The following RARB variants were observed in gnomAD, a reference collection of about 807,000 sequenced individuals.
RARB encodes the protein retinoic acid receptor beta.
A neutral mutation model predicts 51.9 loss-of-function variants in RARB; 17 were observed. That is an observed-to-expected ratio of 0.33 (90% CI 0.22 to 0.49). RARB has a LOEUF of 0.49. Among genes scored for constraint, RARB ranks in the 20% least tolerant of loss-of-function variants. RARB has a pLI of 0.99. For synonymous variants in RARB, 215 were observed against 195.4 expected, an observed-to-expected ratio of 1.10 and a Z score of -0.84; for missense variants, 369 against 550.8, an observed-to-expected ratio of 0.67 and a Z score of 3.30.
At chr3:24,955,615 A>T (rs35180270) in intron 2 of RARB, among the ~76,000 whole-genome samples, 23,745 of 152,222 alleles carry the variant, frequency 0.16, 1,922 homozygotes, top group East Asian at 0.18. Flanking sequence ...GAGAAAAGGC[A>T]TATAAAATTT....
At chr3:25,201,867 A>T (rs1701399378) in intron 5 of RARB, among the ~76,000 whole-genome samples, 1 of 150,996 alleles carries the variant, frequency 6.6e-6, no homozygotes, top group Admixed American at 6.6e-5. Context: ...ATCGATGTTC[A>T]TCAGGGATAT....
At position 25,428,327 on chromosome 3, in the gene RARB, G is replaced by A; in HGVS notation, c.-405G>A. 1.6e-6 allele frequency: 2 copies of A among 1,245,932 alleles called. No individual in the cohort carries two copies. Among genetic ancestry groups the A allele is most frequent in the East Asian group, 3.1e-5 (1 of 32,434 alleles). The allele number at this position is 1,245,932 out of a possible 1,614,324, so 77.2% of individuals were successfully genotyped here. ...AGGGTCTATTCTTTGCCAAAGGGGG[G>A]ACCAGAATTCCCCCATGCGAGCTGT... On this transcript the variant is annotated 5_prime_UTR_variant, in exon 1 of 8. Coordinates refer to ENST00000330688, the MANE Select transcript of RARB (RefSeq NM_000965.5).
At chr3:25,006,089 T>C (rs751060729) in intron 2 of RARB, among the ~76,000 whole-genome samples, 1 of 152,152 alleles carries the variant, frequency 6.6e-6, no homozygotes, top group Non-Finnish European at 1.5e-5. Context: ...ACTCTTCATT[T>C]TCTTTTGGTC....
intron 2 of RARB, among the ~76,000 whole-genome samples, chr3:24,939,344 T>G (rs773558122): frequency 2.6e-5 from 4 of 152,230 alleles, no homozygotes; most frequent in Non-Finnish European, 5.9e-5. Flanking sequence ...AGAAATGGAA[T>G]GCTGGATCAT....
At chr3:25,542,285 A>G (rs1575502132) in intron 3 of RARB, among the ~76,000 whole-genome samples, 1 of 152,236 alleles carries the variant, frequency 6.6e-6, no homozygotes, top group Admixed American at 6.5e-5. Flanking sequence ...AATAAAGTAT[A>G]CAAAAAATCT....
intron 2 of RARB, among the ~76,000 whole-genome samples, chr3:24,875,806 T>G (rs1378102700): frequency 6.6e-6 from 1 of 152,118 alleles, no homozygotes; most frequent in Non-Finnish European, 1.5e-5. Flanking sequence ...TTCACTAATT[T>G]CCTTTCCCTG....
intron 5 of RARB, among the ~76,000 whole-genome samples, chr3:25,394,069 T>C (rs1436622625): frequency 6.6e-6 from 1 of 152,100 alleles, no homozygotes. Flanking sequence ...TTAGAAATAC[T>C]TTTGCTGTAT....
intron 2 of RARB, among the ~76,000 whole-genome samples, chr3:24,906,341 G>A (rs1694863601): frequency 6.6e-6 from 1 of 152,176 alleles, no homozygotes; most frequent in South Asian, 2.1e-4. Flanking sequence ...GGATATAGCA[G>A]ATGCAGGCAG....
intron 5 of RARB, among the ~76,000 whole-genome samples, chr3:25,344,821 C>T (rs1705338620): frequency 1.3e-5 from 2 of 152,088 alleles, no homozygotes; most frequent in African/African-American, 4.8e-5. Flanking sequence ...AATCCTAATC[C>T]CAGCATGTTT....
intron 2 of RARB, among the ~76,000 whole-genome samples, chr3:25,055,958 A>G (rs1380342162): frequency 6.6e-6 from 1 of 152,132 alleles, no homozygotes; most frequent in Non-Finnish European, 1.5e-5. Flanking sequence ...CACACCAGTC[A>G]TGTTAGCTAC....
chr3:25,350,249 C>A (rs1229875424), intron 5 of RARB, among the ~76,000 whole-genome samples: 1 of 152,052 alleles, frequency 6.6e-6, no homozygotes, highest in Non-Finnish European at 1.5e-5. Context: ...TGGAGCCCAC[C>A]AAAGCAACCG....
intron 3 of RARB, among the ~76,000 whole-genome samples, chr3:25,115,047 A>C (rs1371077621): frequency 6.6e-6 from 1 of 152,146 alleles, no homozygotes; most frequent in Non-Finnish European, 1.5e-5. Flanking sequence ...TTTCATAGAG[A>C]AAAATTTGTA....
At chr3:25,272,486 T>C (rs1336953604) in intron 5 of RARB, among the ~76,000 whole-genome samples, 1 of 152,198 alleles carries the variant, frequency 6.6e-6, no homozygotes, top group Non-Finnish European at 1.5e-5. Flanking sequence ...TGCCCTGCCT[T>C]TGAAAGCTGG....
chr3:25,238,155 C>G lies in RARB; in HGVS notation c.178+63580C>G, dbSNP rs555370277. On this transcript the variant is annotated intron_variant, in intron 5 of 11. Transcript: ENST00000383772. ...ACCTGTCTTCATCCTCCAGCGCCCC[C>G]CCACACATCCTTCCCAGTCTCTGGT... 1.8e-3 allele frequency among the ~76,000 whole-genome samples: 277 copies of G among 152,020 alleles called. 2 individuals carry two copies. Among genetic ancestry groups the G allele is most frequent in the African/African-American group, 6.2e-3 (258 of 41,496 alleles).
chr3:24,949,232 A>T (rs1028258180), intron 2 of RARB, among the ~76,000 whole-genome samples: 1 of 152,204 alleles, frequency 6.6e-6, no homozygotes, highest in Non-Finnish European at 1.5e-5. Flanking sequence ...AACAGTCATG[A>T]TTCTCTTTCA....
At chr3:24,959,643 T>G (rs1001746460) in intron 2 of RARB, among the ~76,000 whole-genome samples, 1 of 152,216 alleles carries the variant, frequency 6.6e-6, no homozygotes, top group Non-Finnish European at 1.5e-5. Flanking sequence ...CACTGCCCTT[T>G]TCCGTCTAGA....
chr3:24,855,158 G>A (rs1378031542), intron 1 of RARB, among the ~76,000 whole-genome samples: 1 of 152,328 alleles, frequency 6.6e-6, no homozygotes, highest in South Asian at 2.1e-4. Context: ...AGGTCAGGGT[G>A]CTCTGTGGGA....
chr3:25,332,267 A>AC (rs1318102064), intron 5 of RARB, among the ~76,000 whole-genome samples: 1 of 152,234 alleles, frequency 6.6e-6, no homozygotes, highest in African/African-American at 2.4e-5. Flanking sequence ...ATCGATGCAG[A>AC]AATCCTCAAT....
At chr3:25,501,079 C>T (rs898527322) in intron 2 of RARB, 103 bp from the exon 3 acceptor site, 5 of 1,339,252 alleles carry the variant, frequency 3.7e-6, no homozygotes, top group East Asian at 2.6e-5. Flanking sequence ...GCCATCACTT[C>T]GTTACTCAAA....
Sources: allele counts gnomAD v4.1 joint callset (sites outside exome capture counted in the v4.1 genomes callset), GRCh38; gene constraint gnomAD v4.1.1; transcripts MANE v1.5; gene names NCBI Gene and HGNC (gene_info 2026-07-23, HGNC 2026-07-21).